The following SHQ1 variants were observed in gnomAD, a reference collection of about 807,000 sequenced individuals.
SHQ1 encodes protein SHQ1 homolog.
In SHQ1, 49 loss-of-function variants were observed where a neutral mutation model predicts 53.8. That is an observed-to-expected ratio of 0.91 (90% CI 0.72 to 1.16). The LOEUF is 1.16. Among genes scored for constraint, SHQ1 ranks in the 50% most tolerant of loss-of-function variants. The pLI is 0.00. For missense variants in SHQ1, 738 were observed against 683.1 expected, an observed-to-expected ratio of 1.08 and a Z score of -0.90; for synonymous variants, 243 against 251.0, an observed-to-expected ratio of 0.97 and a Z score of 0.30.
intron 1 of SHQ1, among the ~76,000 whole-genome samples, chr3:72,844,913 A>C (rs1200522263): frequency 2.0e-5 from 3 of 152,236 alleles, no homozygotes; most frequent in Admixed American, 2.0e-4. Flanking sequence ...TATAAGGTGT[A>C]TATAAAACAA....
At chr3:72,742,118 G>T in the SHQ1 span, among the ~76,000 whole-genome samples, 5 of 151,728 alleles carry the variant, frequency 3.3e-5, no homozygotes, top group Admixed American at 3.3e-4. Flanking sequence ...AGCTACTCGG[G>T]AGACTGAGGT....
intron 10 of SHQ1, 127 bp downstream of exon 10, chr3:72,792,784 CAAAAA>C (rs59948195): frequency 1.6e-3 from 422 of 257,288 alleles, no homozygotes; most frequent in Admixed American, 3.0e-3. Context: ...ACCTCCATCT[CAAAAA>C]AAAAAAAAAA....
chr3:72,835,293 A>G (rs1443319864), intron 4 of SHQ1, among the ~76,000 whole-genome samples: 1 of 151,940 alleles, frequency 6.6e-6, no homozygotes, highest in Non-Finnish European at 1.5e-5. Flanking sequence ...GGATTAAATG[A>G]GATAATACAA....
chr3:72,761,773 A>T (rs1263066389), intron 10 of SHQ1, among the ~76,000 whole-genome samples: 1 of 151,862 alleles, frequency 6.6e-6, no homozygotes, highest in Non-Finnish European at 1.5e-5. Flanking sequence ...AGGACCAAAG[A>T]TGTCATATTA....
intron 10 of SHQ1, among the ~76,000 whole-genome samples, chr3:72,767,704 T>C (rs1705760397): frequency 6.6e-6 from 1 of 152,108 alleles, no homozygotes; most frequent in African/African-American, 2.4e-5. Flanking sequence ...CAGACCCAAA[T>C]TACTATCTAC....
the SHQ1 span, among the ~76,000 whole-genome samples, chr3:72,743,213 CT>C: frequency 6.6e-6 from 1 of 152,208 alleles, no homozygotes; most frequent in South Asian, 2.1e-4. Context: ...ATAAGAATCT[CT>C]TTCCTGCTCC....
the SHQ1 span, among the ~76,000 whole-genome samples, chr3:72,737,944 G>A: frequency 1.1e-4 from 16 of 152,150 alleles, no homozygotes; most frequent in African/African-American, 3.9e-4. Context: ...TTTTCTTAAT[G>A]TGACACAATG....
intron 5 of SHQ1, among the ~76,000 whole-genome samples, chr3:72,825,673 A>C (rs755696842): frequency 2.6e-5 from 4 of 152,332 alleles, no homozygotes; most frequent in Admixed American, 6.5e-5. Context: ...AGCATTAACA[A>C]GGTATAACTC....
intron 1 of SHQ1, chr3:72,846,172 C>T: frequency 6.6e-7 from 1 of 1,511,716 alleles, no homozygotes; most frequent in South Asian, 1.2e-5. Flanking sequence ...CTCTATAAGC[C>T]TAGAGTTAAA....
chr3:72,750,875 T>C, intron 10 of SHQ1, 39 bp from the exon 11 acceptor site: 1 of 1,457,288 alleles, frequency 6.9e-7, no homozygotes, highest in Non-Finnish European at 9.0e-7. Flanking sequence ...GAATTATTTA[T>C]TAATTGGCCT....
the SHQ1 span, among the ~76,000 whole-genome samples, chr3:72,736,569 T>C: frequency 6.7e-6 from 1 of 150,290 alleles, no homozygotes; most frequent in African/African-American, 2.5e-5. Context: ...GACAGATGGA[T>C]CACTTGAGGT....
chr3:72,753,472 C>A (rs1430175448), intron 10 of SHQ1: 1 of 985,184 alleles, frequency 1.0e-6, no homozygotes, highest in East Asian at 1.1e-4. Flanking sequence ...GGATTGCCCC[C>A]CACCCCCCAC....
intron 10 of SHQ1, among the ~76,000 whole-genome samples, chr3:72,754,699 G>A (rs188167090): frequency 1.4e-4 from 22 of 152,194 alleles, no homozygotes; most frequent in Non-Finnish European, 2.5e-4. Flanking sequence ...CTTTCTTAAG[G>A]CCACATTCTT....
intron 3 of SHQ1, 66 bp from the exon 4 acceptor site, chr3:72,841,265 T>A: frequency 3.0e-6 from 4 of 1,317,986 alleles, no homozygotes; most frequent in Middle Eastern, 2.4e-4. Flanking sequence ...GAAGAAAAAG[T>A]ATAGGAAAAA....
At chr3:72,831,152 T>C (rs1707808490) in intron 5 of SHQ1, among the ~76,000 whole-genome samples, 1 of 152,232 alleles carries the variant, frequency 6.6e-6, no homozygotes, top group African/African-American at 2.4e-5. Flanking sequence ...TAAATGGAGT[T>C]GAATCTCTCA....
At chr3:72,819,207 T>C (rs1242055211) in intron 6 of SHQ1, among the ~76,000 whole-genome samples, 1 of 152,232 alleles carries the variant, frequency 6.6e-6, no homozygotes. Flanking sequence ...TGCTCAACTT[T>C]AAGCACTAGT....
chr3:72,776,801 C>T (rs1015532149), intron 10 of SHQ1, among the ~76,000 whole-genome samples: 1 of 152,090 alleles, frequency 6.6e-6, no homozygotes, highest in African/African-American at 2.4e-5. Context: ...ACTTGACAAG[C>T]TGATTCTAAG....
Position 72,751,411 on chromosome 3 carries a change from T to A in SHQ1, c.1182-575A>T, listed in dbSNP as rs145420150. Among the ~76,000 whole-genome samples the A allele has an allele frequency of 4.6e-3, 689 of 151,398 alleles. 7 individuals carry two copies. The highest frequency in any genetic ancestry group is 0.015 in the African/African-American group (628 of 41,130). On this transcript the variant is annotated intron_variant, in intron 10 of 10. Coordinates refer to ENST00000325599, the MANE Select transcript of SHQ1 (RefSeq NM_018130.3). ...CTCCAGCTAGACAACACAGTGAGAC[T>A]CCATCTCAAAAAGAAAAATAGAAAT...
At chr3:72,805,374 C>A (rs1372020138) in intron 9 of SHQ1, among the ~76,000 whole-genome samples, 1 of 152,162 alleles carries the variant, frequency 6.6e-6, no homozygotes, top group Non-Finnish European at 1.5e-5. Flanking sequence ...GACTTTGATT[C>A]ACTAGGGTCA....
Sources: gnomAD v4.1 joint callset for allele counts (sites outside exome capture counted in the v4.1 genomes callset) on GRCh38, gnomAD v4.1.1 for gene constraint, MANE v1.5 for transcripts, NCBI Gene and HGNC (gene_info 2026-07-23, HGNC 2026-07-21) for gene names.